Variants in TSHZ3 observed in about 807,000 individuals in gnomAD.
The protein encoded by TSHZ3 is teashirt zinc finger homeobox 3.
A neutral mutation model predicts 64.5 loss-of-function variants in TSHZ3; 10 were observed. The observed-to-expected ratio is 0.16, with a 90% CI of 0.10 to 0.26. TSHZ3 has a LOEUF of 0.26. Among genes scored for constraint, TSHZ3 ranks in the 10% least tolerant of loss-of-function variants. The pLI, the probability that TSHZ3 is intolerant of heterozygous loss-of-function variation, is 1.00. For missense variants in TSHZ3, 1,242 were observed against 1,421.7 expected, an observed-to-expected ratio of 0.87 and a Z score of 2.03; for synonymous variants, 608 against 593.1, an observed-to-expected ratio of 1.03 and a Z score of -0.36.
intron 1 of TSHZ3, among the ~76,000 whole-genome samples, chr19:31,333,781 C>T (rs1039642040): frequency 2.6e-5 from 4 of 152,110 alleles, no homozygotes; most frequent in Admixed American, 1.3e-4. Context: ...TTGGCCAGCG[C>T]GTTCCCGTTA....
At chr19:31,326,551 C>G (rs991025333) in intron 1 of TSHZ3, among the ~76,000 whole-genome samples, 1 of 152,262 alleles carries the variant, frequency 6.6e-6, no homozygotes, top group Non-Finnish European at 1.5e-5. Flanking sequence ...CACACCCACA[C>G]CCAGATGCTC....
In TSHZ3 at chr19:31,342,923, C is replaced by T. The variant is rs570883262; in HGVS notation, c.40+6257G>A. Among the ~76,000 whole-genome samples the T allele has an allele frequency of 2.0e-5, 3 of 152,326 alleles. No homozygotes were observed. In the East Asian group the frequency reaches 5.8e-4, roughly 29 times the overall value. On this transcript the variant is annotated intron_variant, in intron 1 of 1. Coordinates refer to ENST00000240587, the MANE Select transcript of TSHZ3 (RefSeq NM_020856.4). ...CATTAAAACAGGGATGGTTTGCCTT[C>T]GGATCTCACCTGGATTCACAGTGCA...
Position 31,277,566 on chromosome 19 carries a change from C to T in TSHZ3, c.2227G>A (p.Ala743Thr), listed in dbSNP as rs1355908898. Residue 743 changes from alanine (A) to threonine (T), a missense_variant, in exon 2 of 2, where the codon GCC (alanine) becomes ACC (threonine). Ala to Thr is a moderately conservative substitution (Grantham distance 58). This residue lies in a region of TSHZ3 where 550 missense variants were observed against 545.1 expected (regional missense o/e 1.01). Transcript: ENST00000240587. The surrounding 1 kb of genome is among the most constrained non-coding windows in gnomAD (Gnocchi z 4.5). ...AAAAGCATGCTCATGGGGTCCAGGG[C>T]AGGCAGGGAGGGCTTGGCGGCCTTG... The part of the protein sequence containing the change: ...LGKAAKPSLP[A>T]LDPMSMLFKM... 1.3e-6 allele frequency: 2 copies of T among 1,599,196 alleles called. No individual in the cohort carries two copies. The highest frequency in any genetic ancestry group is 8.5e-7 in the Non-Finnish European group (1 of 1,172,066).
At chr19:31,204,231 C>T (rs927004675) in intron 5 of TSHZ3, among the ~76,000 whole-genome samples, 1 of 151,840 alleles carries the variant, frequency 6.6e-6, no homozygotes, top group Non-Finnish European at 1.5e-5. Context: ...TTCCTTCCTT[C>T]TTCAATCCCT....
chr19:31,350,646 GCCCGGCCGA>G (rs2021693028), upstream of TSHZ3, among the ~76,000 whole-genome samples: 2 of 151,584 alleles, frequency 1.3e-5, no homozygotes, highest in East Asian at 4.0e-4. Context: ...CTCCGGGCCG[GCCCGGCCGA>G]CTGGCCGCGG....
chr19:31,314,517 T>C (rs1916551588), intron 1 of TSHZ3, among the ~76,000 whole-genome samples: 1 of 152,350 alleles, frequency 6.6e-6, no homozygotes, highest in Middle Eastern at 3.4e-3. Context: ...TTGTGAATCA[T>C]TTCTAATGAC....
chr19:31,194,354 C>T (rs147390834), intron 5 of TSHZ3, among the ~76,000 whole-genome samples: 1 of 152,292 alleles, frequency 6.6e-6, no homozygotes, highest in African/African-American at 2.4e-5. Context: ...TTCTGTTCTT[C>T]TTAACAAGGT....
At chr19:31,194,185 G>T (rs1003625228) in intron 5 of TSHZ3, among the ~76,000 whole-genome samples, 2 of 152,206 alleles carry the variant, frequency 1.3e-5, no homozygotes, top group African/African-American at 2.4e-5. Context: ...AAACCTGAGA[G>T]TTAAAAACTC....
intron 1 of TSHZ3, among the ~76,000 whole-genome samples, chr19:31,309,070 C>G (rs1388059724): frequency 6.6e-6 from 1 of 152,252 alleles, no homozygotes; most frequent in Non-Finnish European, 1.5e-5. Flanking sequence ...CCAGCTGCCT[C>G]TGCAACATGG....
At chr19:31,295,475 G>C (rs1440523586) in intron 1 of TSHZ3, among the ~76,000 whole-genome samples, 2 of 152,222 alleles carry the variant, frequency 1.3e-5, no homozygotes, top group African/African-American at 4.8e-5. Flanking sequence ...CCATGCCACA[G>C]ACAAAATCAA....
chr19:31,280,653 T>C (rs1976344727), intron 1 of TSHZ3, among the ~76,000 whole-genome samples: 1 of 152,236 alleles, frequency 6.6e-6, no homozygotes, highest in Non-Finnish European at 1.5e-5. Context: ...TTTAGACTAC[T>C]TTGTCAATAT....
intron 5 of TSHZ3, among the ~76,000 whole-genome samples, chr19:31,157,915 T>C (rs1159879617): frequency 6.6e-5 from 10 of 152,220 alleles, no homozygotes; most frequent in Admixed American, 6.5e-4. Context: ...AAGACCGCTT[T>C]TCCCAGCCCT....
intron 6 of TSHZ3, among the ~76,000 whole-genome samples, chr19:31,154,304 C>A (rs753057517): frequency 1.3e-5 from 2 of 152,194 alleles, no homozygotes; most frequent in Non-Finnish European, 2.9e-5. Flanking sequence ...CAAGTCCACA[C>A]ATAATCTTTC....
chr19:31,220,701 G>T (rs1257308990), intron 4 of TSHZ3, among the ~76,000 whole-genome samples: 1 of 152,096 alleles, frequency 6.6e-6, no homozygotes, highest in African/African-American at 2.4e-5. Flanking sequence ...GTTTTTAAAG[G>T]GCCAGTCTGA....
At chr19:31,214,209 A>G (rs1975296304) in intron 4 of TSHZ3, among the ~76,000 whole-genome samples, 1 of 152,194 alleles carries the variant, frequency 6.6e-6, no homozygotes. Flanking sequence ...CATTCATGTA[A>G]TCATTTAAAA....
intron 1 of TSHZ3, among the ~76,000 whole-genome samples, chr19:31,258,807 T>G (rs1380538377): frequency 2.6e-5 from 4 of 152,180 alleles, no homozygotes; most frequent in African/African-American, 9.7e-5. Context: ...ATAAGTGTCT[T>G]CCCTTGGCTT....
At chr19:31,221,833 G>A (rs938998407) in intron 4 of TSHZ3, among the ~76,000 whole-genome samples, 1 of 152,158 alleles carries the variant, frequency 6.6e-6, no homozygotes, top group Admixed American at 6.5e-5. Context: ...TTCAATAATA[G>A]CATCCTAATG....
At chr19:31,273,665 G>A (rs552715130), downstream of TSHZ3, among the ~76,000 whole-genome samples, 40 of 152,326 alleles carry the variant, frequency 2.6e-4, no homozygotes, top group Non-Finnish European at 4.7e-4. Flanking sequence ...GTGAAGATGC[G>A]GAAGGCACGG....
chr19:31,152,127 A>G (rs1363871022), intron 6 of TSHZ3, among the ~76,000 whole-genome samples: 1 of 151,156 alleles, frequency 6.6e-6, no homozygotes, highest in East Asian at 1.9e-4. Flanking sequence ...ATTCTGCTTA[A>G]AAAAAAAAGA....
Sources: gnomAD v4.1 joint callset for allele counts (sites outside exome capture counted in the v4.1 genomes callset) on GRCh38, gnomAD v4.1.1 for gene constraint, gnomAD v4.1.1 regional missense constraint, Gnocchi (gnomAD v3.1) non-coding constraint, MANE v1.5 for transcripts, NCBI Gene and HGNC (gene_info 2026-07-23, HGNC 2026-07-21) for gene names.